FAM229B: variants seen among roughly 807,000 people sequenced by gnomAD.
The protein encoded by FAM229B is family with sequence similarity 229 member B.
FAM229B carries 2 observed loss-of-function variants against 6.7 expected under a neutral mutation model. That is an observed-to-expected ratio of 0.30 (90% confidence interval 0.12 to 0.94). The LOEUF is 0.94. Among genes scored for constraint, FAM229B ranks in the 40% least tolerant of loss-of-function variants. The pLI, the probability that FAM229B is intolerant of heterozygous loss-of-function variation, is 0.54. For missense variants in FAM229B, 93 were observed against 96.2 expected, an observed-to-expected ratio of 0.97 and a Z score of 0.14; for synonymous variants, 29 against 34.0, an observed-to-expected ratio of 0.85 and a Z score of 0.51.
At chr6:112,095,635 C>CAAAAAAAAAA (rs1186446249) in intron 1 of FAM229B, among the ~76,000 whole-genome samples, 1 of 48,796 alleles carries the variant, frequency 2.0e-5, no homozygotes. Context: ...GACCCTGTCT[C>CAAAAAAAAAA]AAAAAAAAAA....
intron 1 of FAM229B, among the ~76,000 whole-genome samples, chr6:112,088,986 T>C (rs1436772721): frequency 6.6e-6 from 1 of 152,212 alleles, no homozygotes; most frequent in African/African-American, 2.4e-5. Flanking sequence ...GAGACAGTTC[T>C]GCTTAAGAGC....
chr6:112,095,522 C>T (rs1777309553), intron 1 of FAM229B, among the ~76,000 whole-genome samples: 2 of 150,770 alleles, frequency 1.3e-5, no homozygotes, highest in Non-Finnish European at 2.9e-5. Context: ...GTCCCAGCTA[C>T]TTGAGATGCT....
chr6:112,088,200 G>A lies in FAM229B; in HGVS notation c.-176+480G>A, dbSNP rs187099053. On this transcript the variant is annotated intron_variant, in intron 1 of 3. Transcript: ENST00000368656. The stretch of plus-strand genomic sequence containing the variant: ...AAGTGCAATAGGATTCAGTGGTTGA[G>A]GATGTAGATGAGTATGTAGAAGTCT... 9.1e-4 allele frequency among the ~76,000 whole-genome samples: 139 copies of A among 152,308 alleles called. 3 individuals carry two copies. The South Asian group carries it at 0.016, about 17-fold the overall frequency.
chr6:112,092,459 G>A (rs1430245027), intron 1 of FAM229B, among the ~76,000 whole-genome samples: 1 of 151,870 alleles, frequency 6.6e-6, no homozygotes, highest in African/African-American at 2.4e-5. Flanking sequence ...TCTATACCCA[G>A]TTAAAATATT....
At chr6:112,098,731 C>T (rs1554318913) in intron 2 of FAM229B, among the ~76,000 whole-genome samples, 1 of 152,112 alleles carries the variant, frequency 6.6e-6, no homozygotes, top group East Asian at 1.9e-4. Flanking sequence ...AAGAGAAGGG[C>T]ATAGATAGGT....
At chr6:112,087,819 C>A in intron 1 of FAM229B, 99 bp downstream of exon 1, 1 of 227,232 alleles carries the variant, frequency 4.4e-6, no homozygotes, top group Non-Finnish European at 8.6e-6. Context: ...ACACCCGGGG[C>A]GGTGGATCAG....
At chr6:112,098,010 G>T (rs1368144828) in intron 2 of FAM229B, among the ~76,000 whole-genome samples, 1 of 152,156 alleles carries the variant, frequency 6.6e-6, no homozygotes, top group African/African-American at 2.4e-5. Context: ...TGGGAGAGGG[G>T]TACTCTTTGC....
intron 1 of FAM229B, among the ~76,000 whole-genome samples, chr6:112,091,130 C>A (rs1554318152): frequency 6.6e-6 from 1 of 152,108 alleles, no homozygotes; most frequent in African/African-American, 2.4e-5. Flanking sequence ...TGGCTAATAT[C>A]ACTTAGCATA....
intron 1 of FAM229B, among the ~76,000 whole-genome samples, chr6:112,092,127 G>A (rs922632829): frequency 1.4e-4 from 22 of 151,904 alleles, no homozygotes; most frequent in Non-Finnish European, 2.6e-4. Context: ...TGCCAGAGGA[G>A]GGAACAAAAA....
intron 2 of FAM229B, 60 bp downstream of exon 2, chr6:112,097,261 T>C (rs1204100923): frequency 6.6e-6 from 1 of 152,260 alleles, no homozygotes; most frequent in Non-Finnish European, 1.5e-5. Flanking sequence ...AGATAGGTAG[T>C]TATACTAAAC....
chr6:112,095,655 A>C (rs1554318574), intron 1 of FAM229B, among the ~76,000 whole-genome samples: 46 of 133,128 alleles, frequency 3.5e-4, no homozygotes, highest in East Asian at 8.6e-4. Context: ...AAAAAAAAAA[A>C]AAAAACCAAA....
chr6:112,095,678 G>GA (rs142956370), intron 1 of FAM229B, among the ~76,000 whole-genome samples: 16 of 108,866 alleles, frequency 1.5e-4, no homozygotes, highest in South Asian at 3.3e-4. Flanking sequence ...AAAAAAAAAA[G>GA]AAAAAAAAAA....
chr6:112,096,549 C>CT (rs1777328349), intron 1 of FAM229B, among the ~76,000 whole-genome samples: 1 of 152,080 alleles, frequency 6.6e-6, no homozygotes, highest in Non-Finnish European at 1.5e-5. Flanking sequence ...GAGCGAGACT[C>CT]TGTCTCAACA....
At chr6:112,097,376 A>G (rs1248220456) in intron 2 of FAM229B, among the ~76,000 whole-genome samples, 175 bp downstream of exon 2, 1 of 152,200 alleles carries the variant, frequency 6.6e-6, no homozygotes, top group African/African-American at 2.4e-5. Flanking sequence ...TTTAAACCTT[A>G]ATTTAGTTTT....
intron 1 of FAM229B, among the ~76,000 whole-genome samples, chr6:112,095,009 CA>C (rs1204769389): frequency 6.6e-6 from 1 of 152,130 alleles, no homozygotes; most frequent in Non-Finnish European, 1.5e-5. Flanking sequence ...TTCATTGTAT[CA>C]CCCATTCTAA....
In FAM229B at chr6:112,102,275, G is replaced by A. The variant is rs1172776732; in HGVS notation, c.*1488G>A. 6.6e-6 allele frequency: 1 copy of A among 152,176 alleles called. No individual in the cohort carries two copies. Among genetic ancestry groups the A allele is most frequent in the East Asian group, 1.9e-4 (1 of 5,186 alleles). 9.4% of individuals were successfully genotyped at this position (152,176 alleles called of 1,614,324 possible). ...GAAGTGGATGGATTATCTGAGGTCA[G>A]GCATTCGAAGCCAGCCTGGCCAACA... On this transcript the variant is annotated 3_prime_UTR_variant, in exon 4 of 4. Transcript: ENST00000368656.
At chr6:112,097,675 G>A (rs1554318807) in intron 2 of FAM229B, among the ~76,000 whole-genome samples, 1 of 152,050 alleles carries the variant, frequency 6.6e-6, no homozygotes, top group African/African-American at 2.4e-5. Context: ...TGTACTAATA[G>A]TTGAAAACAT....
At chr6:112,094,213 GAAATA>G (rs1416553760) in intron 1 of FAM229B, among the ~76,000 whole-genome samples, 2 of 151,978 alleles carry the variant, frequency 1.3e-5, no homozygotes, top group Non-Finnish European at 2.9e-5. Flanking sequence ...GATTGGAGTG[GAAATA>G]AAATAAATAG....
At chr6:112,099,741 CAA>C (rs1777371938) in intron 3 of FAM229B, among the ~76,000 whole-genome samples, 1 of 152,170 alleles carries the variant, frequency 6.6e-6, no homozygotes, top group South Asian at 2.1e-4. Flanking sequence ...ATTAAACAAA[CAA>C]AACTTCAGTG....
Sources: gnomAD v4.1 joint callset for allele counts (sites outside exome capture counted in the v4.1 genomes callset) on GRCh38, gnomAD v4.1.1 for gene constraint, MANE v1.5 for transcripts, NCBI Gene and HGNC (gene_info 2026-07-23, HGNC 2026-07-21) for gene names.